TLL1: variants seen among roughly 807,000 people sequenced by gnomAD.
The protein encoded by TLL1 is tolloid like 1, also known as tolloid-like protein 1.
TLL1 carries 49 observed loss-of-function variants against 128.2 expected under a neutral mutation model. That is an observed-to-expected ratio of 0.38 (90% confidence interval 0.30 to 0.48). The LOEUF is 0.48. Ranked by LOEUF, TLL1 falls within the 20% of genes least tolerant of loss-of-function variation. TLL1 has a pLI of 0.96. For synonymous variants in TLL1, 454 were observed against 418.8 expected (o/e 1.08, Z -1.03); for missense variants, 1,123 against 1,242.0 (o/e 0.90, Z 1.44).
intron 1 of TLL1, among the ~76,000 whole-genome samples, chr4:165,944,633 G>A (rs1171053702): frequency 1.3e-5 from 2 of 152,068 alleles, no homozygotes; most frequent in Non-Finnish European, 2.9e-5. Flanking sequence ...TGCTGTTCTC[G>A]GAGACTGGTT....
intron 9 of TLL1, among the ~76,000 whole-genome samples, chr4:166,032,190 C>T (rs1285798045): frequency 6.6e-6 from 1 of 151,716 alleles, no homozygotes; most frequent in Non-Finnish European, 1.5e-5. Flanking sequence ...TTTTAGAAAA[C>T]TAGAAACTTT....
rs114007351 is a variant in TLL1, at chr4:165,927,289, G to A, written c.169+53216G>A. Among the ~76,000 whole-genome samples the A allele has an allele frequency of 4.9e-3, 751 of 152,276 alleles. 8 individuals are homozygous for A. The highest frequency in any genetic ancestry group is 0.016 in the African/African-American group (655 of 41,534). ...GTTGTGTAGTAATACTGAATTGCTG[G>A]TTCTTATGCTTAATACTGAGCAAGG... On this transcript the variant is annotated intron_variant, in intron 1 of 20. Transcript: ENST00000061240.
chr4:165,974,359 C>A, intron 1 of TLL1, among the ~76,000 whole-genome samples: 3 of 130,594 alleles, frequency 2.3e-5, no homozygotes, highest in African/African-American at 1.4e-4. Flanking sequence ...CCGGGATGGC[C>A]TCGATCTCCT....
intron 1 of TLL1, among the ~76,000 whole-genome samples, chr4:165,939,520 A>AT: frequency 6.6e-6 from 1 of 151,898 alleles, no homozygotes. Flanking sequence ...TTTTCAACAG[A>AT]TTTTCAAATG....
chr4:165,929,560 A>G (rs1453015248), intron 1 of TLL1, among the ~76,000 whole-genome samples: 2 of 152,074 alleles, frequency 1.3e-5, no homozygotes, highest in African/African-American at 4.8e-5. Flanking sequence ...AAAGTAGATA[A>G]ATTTTACTTG....
chr4:165,950,666 T>C (rs1280496001), intron 1 of TLL1, among the ~76,000 whole-genome samples: 1 of 151,866 alleles, frequency 6.6e-6, no homozygotes, highest in Non-Finnish European at 1.5e-5. Context: ...CAATAAATAC[T>C]CAAAAGGTCA....
chr4:166,007,566 T>C (rs1438600695), intron 6 of TLL1, among the ~76,000 whole-genome samples: 6 of 151,666 alleles, frequency 4.0e-5, no homozygotes, highest in Admixed American at 4.0e-4. Flanking sequence ...CTGGAAAACC[T>C]AGTCATAAAA....
At chr4:165,978,547 GAA>G (rs1560786627) in intron 1 of TLL1, among the ~76,000 whole-genome samples, 1 of 151,986 alleles carries the variant, frequency 6.6e-6, no homozygotes, top group Non-Finnish European at 1.5e-5. Context: ...TATGATTATT[GAA>G]AAGTTTACTT....
At chr4:165,944,140 ATGTAC>A (rs1175932738) in intron 1 of TLL1, among the ~76,000 whole-genome samples, 1 of 152,160 alleles carries the variant, frequency 6.6e-6, no homozygotes, top group Non-Finnish European at 1.5e-5. Context: ...ATTTTTTAAA[ATGTAC>A]TGTATTAAAG....
chr4:166,068,459 T>G (rs1041685383), intron 16 of TLL1, among the ~76,000 whole-genome samples: 32 of 151,844 alleles, frequency 2.1e-4, no homozygotes, highest in African/African-American at 7.0e-4. Flanking sequence ...GTAACTACAT[T>G]ATTATAAAGT....
chr4:165,968,138 A>G (rs1018521735), intron 1 of TLL1, among the ~76,000 whole-genome samples: 3 of 152,172 alleles, frequency 2.0e-5, no homozygotes, highest in African/African-American at 4.8e-5. Flanking sequence ...AAAACTTTCT[A>G]TGAGCGTTTT....
At chr4:166,065,919 T>C in intron 16 of TLL1, 56 bp downstream of exon 16, 1 of 1,223,578 alleles carries the variant, frequency 8.2e-7, no homozygotes, top group Non-Finnish European at 1.0e-6. Context: ...GTGGGTTGGA[T>C]TAAATTGTAT....
intron 1 of TLL1, among the ~76,000 whole-genome samples, chr4:165,960,529 A>G (rs1314142864): frequency 6.6e-6 from 1 of 152,122 alleles, no homozygotes; most frequent in Non-Finnish European, 1.5e-5. Flanking sequence ...ACTTCAAGCC[A>G]ATATTCCTGA....
intron 19 of TLL1, among the ~76,000 whole-genome samples, chr4:166,094,065 A>T (rs747345475): frequency 1.1e-4 from 16 of 152,090 alleles, no homozygotes; most frequent in Non-Finnish European, 8.8e-5. Context: ...TAATAGTCTG[A>T]TCTCTCTTTC....
At chr4:165,990,025 G>T (rs1736565846) in intron 2 of TLL1, among the ~76,000 whole-genome samples, 1 of 151,698 alleles carries the variant, frequency 6.6e-6, no homozygotes, top group African/African-American at 2.4e-5. Flanking sequence ...ATAATATTTG[G>T]AAAATTTATA....
At chr4:165,908,787 C>A (rs976735208) in intron 1 of TLL1, among the ~76,000 whole-genome samples, 45 of 151,988 alleles carry the variant, frequency 3.0e-4, no homozygotes, top group African/African-American at 9.9e-4. Context: ...TTGCAGTAAT[C>A]CAGGCCAGGC....
chr4:165,874,105 C>G (rs1367270621), intron 1 of TLL1, 32 bp downstream of exon 1: 1 of 1,613,194 alleles, frequency 6.2e-7, no homozygotes, highest in Non-Finnish European at 8.5e-7. Flanking sequence ...GACGGTGGCG[C>G]GCCGGGGGCC....
intron 12 of TLL1, among the ~76,000 whole-genome samples, chr4:166,047,004 A>G (rs932272494): frequency 1.3e-5 from 2 of 152,180 alleles, no homozygotes; most frequent in African/African-American, 4.8e-5. Flanking sequence ...TATGTTTTCA[A>G]TATGGGTATT....
chr4:166,002,123 A>G (rs1286244561), intron 5 of TLL1, among the ~76,000 whole-genome samples: 1 of 152,148 alleles, frequency 6.6e-6, no homozygotes, highest in East Asian at 1.9e-4. Context: ...GCGGCACTGC[A>G]GAATTGGTGT....
Sources: allele counts gnomAD v4.1 joint callset (sites outside exome capture counted in the v4.1 genomes callset), GRCh38; gene constraint gnomAD v4.1.1; transcripts MANE v1.5; gene names NCBI Gene and HGNC (gene_info 2026-07-23, HGNC 2026-07-21).